Variants in GJA5 observed in about 807,000 individuals in gnomAD.
The protein encoded by GJA5 is gap junction alpha-5 protein.
In GJA5, 3 loss-of-function variants were observed where a neutral mutation model predicts 7.9. The ratio of observed to expected loss-of-function variants is 0.38; its 90% CI spans 0.17 to 0.99. The LOEUF (loss-of-function observed/expected upper bound fraction) is 0.99. Ranked by LOEUF, GJA5 falls within the 50% of genes least tolerant of loss-of-function variation. The pLI is 0.38. For missense variants in GJA5, 390 were observed against 457.9 expected, an observed-to-expected ratio of 0.85 and a Z score of 1.35; for synonymous variants, 193 against 181.0, an observed-to-expected ratio of 1.07 and a Z score of -0.53.
In GJA5 at chr1:147,758,744, CA is replaced by C; in HGVS notation, c.494del (p.Val165GlyfsTer15). ...CSILIRTTME[V>X]GFIVGQYFIY... ...TGAAGTACTGGCCCACAATGAAGCC[CA>C]CCTCCATGGTGGTGCGGATCAGGAT... On this transcript the variant is annotated frameshift_variant, in exon 2 of 2. Transcript: ENST00000579774. LOFTEE classifies it low-confidence loss of function (END_TRUNC). 2 of 1,614,146 alleles carry C rather than the reference CA, an allele frequency of 1.2e-6. No homozygotes were observed. The highest frequency in any genetic ancestry group is 1.7e-6 in the Non-Finnish European group (2 of 1,179,994).
chr1:147,759,329 G>A (rs1456675111), intron 1 of GJA5, 58 bp from the exon 2 acceptor site: 4 of 917,762 alleles, frequency 4.4e-6, no homozygotes, highest in Non-Finnish European at 7.2e-6. Context: ...TGAAGGTCTG[G>A]AATGTCTATC....
chr1:147,761,063 CA>C (rs1663989618), upstream of GJA5, among the ~76,000 whole-genome samples: 1 of 152,204 alleles, frequency 6.6e-6, no homozygotes, highest in African/African-American at 2.4e-5. Flanking sequence ...CAGAGAATCT[CA>C]GAAATGTCAA....
At chr1:147,764,786 T>G (rs956125631), upstream of GJA5, among the ~76,000 whole-genome samples, 7 of 140,590 alleles carry the variant, frequency 5.0e-5, no homozygotes, top group Non-Finnish European at 9.0e-5. Context: ...ATCACGTCAG[T>G]GCACTCCAGC....
At chr1:147,762,164 G>GA (rs1664041524), upstream of GJA5, among the ~76,000 whole-genome samples, 1 of 151,744 alleles carries the variant, frequency 6.6e-6, no homozygotes, top group African/African-American at 2.4e-5. Context: ...AAGAAGGAGG[G>GA]AAAAAGAGAA....
At chr1:147,771,411 C>G (rs1664399020) in intron 1 of GJA5, among the ~76,000 whole-genome samples, 2 of 152,146 alleles carry the variant, frequency 1.3e-5, no homozygotes, top group South Asian at 2.1e-4. Context: ...TCAATCAGCC[C>G]TGACTCACTG....
In GJA5 at chr1:147,757,187, T is replaced by C. The variant is rs1459224080; in HGVS notation, c.*975A>G. On this transcript the variant is annotated 3_prime_UTR_variant, in exon 2 of 2. Transcript: ENST00000579774. The stretch of plus-strand genomic sequence containing the variant: ...GAGAAGTACAATGCTTTCTTTGTTT[T>C]AACAAGGCCTGGGGAAATTCCACTG... 1 of 152,258 alleles carries C rather than the reference T, an allele frequency of 6.6e-6. No homozygotes were observed. The highest frequency in any genetic ancestry group is 6.5e-5 in the Admixed American group (1 of 15,286). 9.4% of individuals were successfully genotyped at this position (152,258 alleles called of 1,614,324 possible). A position where few individuals can be genotyped will look rare whatever the true frequency, so the allele number is the denominator to read the frequency against.
At chr1:147,766,416 C>T (rs1208131986) in intron 1 of GJA5, among the ~76,000 whole-genome samples, 1 of 152,184 alleles carries the variant, frequency 6.6e-6, no homozygotes, top group East Asian at 1.9e-4. Context: ...AGAATGCACA[C>T]AGAGGCCAAG....
intron 1 of GJA5, among the ~76,000 whole-genome samples, chr1:147,765,788 G>A (rs1475837376): frequency 6.6e-6 from 1 of 152,102 alleles, no homozygotes; most frequent in East Asian, 1.9e-4. Context: ...CCTCCAAATG[G>A]GGTTGGGGAT....
At chr1:147,760,262 C>G (rs1663947302) in intron 1 of GJA5, among the ~76,000 whole-genome samples, 1 of 152,202 alleles carries the variant, frequency 6.6e-6, no homozygotes. Context: ...AAAATCCTCC[C>G]TCATCTGGCC....
rs1692141 is a variant in GJA5 at position 147,758,109 on chromosome 1, C to T, written c.*53G>A. On this transcript the variant is annotated 3_prime_UTR_variant, in exon 2 of 2. Transcript: ENST00000579774. ...TCAGTTCAGAAGGGACACGTCTTTC[C>T]TCTCTGAGCCTCCTTTGTTCCCACC... 241,887 of 1,231,232 alleles carry T rather than the reference C, an allele frequency of 0.2. 26,000 individuals are homozygous for T. The highest frequency in any genetic ancestry group is 0.23 in the Non-Finnish European group (188,867 of 831,030). 76.3% of individuals were successfully genotyped at this position (1,231,232 alleles called of 1,614,324 possible).
chr1:147,765,325 C>T (rs587751330), upstream of GJA5, among the ~76,000 whole-genome samples: 8 of 152,140 alleles, frequency 5.3e-5, no homozygotes, highest in East Asian at 3.8e-4. Flanking sequence ...AAAAGTGATT[C>T]GTTCAAATAA....
upstream of GJA5, among the ~76,000 whole-genome samples, chr1:147,763,812 T>G (rs907419691): frequency 0.011 from 5 of 436 alleles, no homozygotes; most frequent in Admixed American, 0.024. Flanking sequence ...ATCCAGTGCT[T>G]CTTTTTTTCT....
At chr1:147,760,432 C>G (rs1002270027) in intron 1 of GJA5, 67 bp downstream of exon 1, 2 of 152,446 alleles carry the variant, frequency 1.3e-5, no homozygotes, top group Non-Finnish European at 2.9e-5. Flanking sequence ...TCATTGCCTC[C>G]TCCAGCCCTC....
chr1:147,759,274 G>T lies in GJA5; in HGVS notation c.-33-3C>A. On this transcript the variant is annotated splice_polypyrimidine_tract_variant and splice_region_variant and intron_variant, in intron 1 of 1. Coordinates refer to ENST00000579774, the MANE Select transcript of GJA5 (RefSeq NM_181703.4). The stretch of plus-strand genomic sequence containing the variant: ...CCAGGGAACAGATGCCAAAACTTCT[G>T]CAAATGGGAGAGAGAGAAAGAGAGA... 1 of 1,287,772 alleles carries T rather than the reference G, an allele frequency of 7.8e-7. No homozygotes were observed. Among genetic ancestry groups the T allele is most frequent in the Non-Finnish European group, 1.1e-6 (1 of 883,768 alleles). 79.8% of individuals were successfully genotyped at this position (1,287,772 alleles called of 1,614,324 possible). A position where few individuals can be genotyped will look rare whatever the true frequency, so the allele number is the denominator to read the frequency against.
chr1:147,763,789 A>G (rs1350048063), upstream of GJA5, among the ~76,000 whole-genome samples: 1 of 146,186 alleles, frequency 6.8e-6, no homozygotes, highest in Non-Finnish European at 1.5e-5. Flanking sequence ...AAGCTCAGGC[A>G]CCTACATTCT....
At chr1:147,772,871 C>T (rs1664465013) in intron 1 of GJA5, among the ~76,000 whole-genome samples, 2 of 151,252 alleles carry the variant, frequency 1.3e-5, no homozygotes, top group South Asian at 4.2e-4. Flanking sequence ...GCAGAAGCAT[C>T]GTAAAACAGT....
Position 147,759,101 on chromosome 1 carries a change from C to G in GJA5, c.138G>C (p.Gly46=), listed in dbSNP as rs984101534. 2.5e-6 allele frequency: 4 copies of G among 1,612,640 alleles called. No homozygotes were observed. Among genetic ancestry groups the G allele is most frequent in the Non-Finnish European group, 3.4e-6 (4 of 1,179,204 alleles). ...VLGTAAESSW[G]DEQADFRCDT... ...CACACCGGAAATCAGCCTGCTCATC[C>G]CCCCAGGAAGACTCAGCAGCTGTGC... The change falls in exon 2 of 2, where the codon GGG becomes GGC. Residue 46 remains glycine, a synonymous_variant. Transcript: ENST00000579774.
intron 1 of GJA5, among the ~76,000 whole-genome samples, chr1:147,771,848 C>A (rs1254181175): frequency 2.6e-5 from 4 of 152,214 alleles, no homozygotes; most frequent in African/African-American, 9.7e-5. Flanking sequence ...CTCCAAACAG[C>A]TCTGCCGCCG....
At chr1:147,763,177 C>T (rs1185818074), upstream of GJA5, among the ~76,000 whole-genome samples, 17 of 152,224 alleles carry the variant, frequency 1.1e-4, no homozygotes, top group African/African-American at 4.1e-4. Flanking sequence ...TTCCCTCTGC[C>T]TAGAATGTCC....
Sources: allele counts gnomAD v4.1 joint callset (sites outside exome capture counted in the v4.1 genomes callset), GRCh38; gene constraint gnomAD v4.1.1; transcripts MANE v1.5; gene names NCBI Gene and HGNC (gene_info 2026-07-23, HGNC 2026-07-21).